TAF6: variants seen among roughly 807,000 people sequenced by gnomAD.
The protein encoded by TAF6 is TATA-box binding protein associated factor 6, also known as transcription initiation factor TFIID subunit 6.
In TAF6, 50 loss-of-function variants were observed where a neutral mutation model predicts 73.5. The observed-to-expected ratio is 0.68, with a 90% CI of 0.54 to 0.86. The LOEUF (loss-of-function observed/expected upper bound fraction) is 0.86, where lower values mean the gene tolerates loss of function less well. Among genes scored for constraint, TAF6 ranks in the 40% least tolerant of loss-of-function variants. The pLI, the probability that TAF6 is intolerant of heterozygous loss-of-function variation, is 0.00. For missense variants in TAF6, 768 were observed against 899.5 expected, an observed-to-expected ratio of 0.85 and a Z score of 1.87; for synonymous variants, 424 against 376.7, an observed-to-expected ratio of 1.13 and a Z score of -1.45.
intron 14 of TAF6, 39 bp from the exon 15 acceptor site, chr7:100,107,662 C>G: frequency 6.3e-7 from 1 of 1,596,982 alleles, no homozygotes; most frequent in Non-Finnish European, 8.5e-7. Context: ...GCCCTGTGCC[C>G]TCCCTGCCCC....
intron 12 of TAF6, among the ~76,000 whole-genome samples, chr7:100,109,354 C>T (rs1369135167): frequency 6.6e-6 from 1 of 150,644 alleles, no homozygotes; most frequent in African/African-American, 2.4e-5. Flanking sequence ...AAAAAGAAAA[C>T]ATGGGCACTA....
chr7:100,119,630 C>T (rs549631549), upstream of TAF6: 9 of 1,595,856 alleles, frequency 5.6e-6, no homozygotes, highest in Non-Finnish European at 7.7e-6. Flanking sequence ...GCGCATGCGC[C>T]GACCTTCCTC....
chr7:100,114,872 G>A (rs1797546357), intron 1 of TAF6, among the ~76,000 whole-genome samples: 1 of 152,068 alleles, frequency 6.6e-6, no homozygotes, highest in Non-Finnish European at 1.5e-5. Flanking sequence ...AAAATTAGCT[G>A]GGTATGCAGG....
At chr7:100,121,942 C>G (rs950977324), upstream of TAF6, 6 of 257,910 alleles carry the variant, frequency 2.3e-5, no homozygotes, top group Non-Finnish European at 3.8e-5. Context: ...CCCAGCTACT[C>G]GGGAGACTGA....
upstream of TAF6, chr7:100,119,529 C>G: frequency 7.4e-7 from 1 of 1,353,100 alleles, no homozygotes; most frequent in Non-Finnish European, 9.8e-7. Flanking sequence ...TATTCCTTCA[C>G]TACCCGGCTG....
In TAF6 at chr7:100,112,323, A is replaced by C. The variant is rs2116789819; in HGVS notation, c.575-70T>G. Reference sequence around the variant, plus strand: ...AAACCTCAGTAACAGAAGAACCTTAACCCTCCACTTCCCCTGAGACCCAGG... The same window carrying C: ...AAACCTCAGTAACAGAAGAACCTTACCCCTCCACTTCCCCTGAGACCCAGG... On this transcript the variant is annotated intron_variant, in intron 6 of 14. Coordinates refer to ENST00000453269, the MANE Select transcript of TAF6 (RefSeq NM_139315.3). 7.8e-6 allele frequency: 12 copies of C among 1,547,054 alleles called. No homozygotes were observed. The Admixed American group carries it at 1.0e-4, about 13-fold the overall frequency.
intron 12 of TAF6, among the ~76,000 whole-genome samples, chr7:100,109,204 G>A (rs1480177219): frequency 6.6e-6 from 1 of 151,492 alleles, no homozygotes; most frequent in Non-Finnish European, 1.5e-5. Context: ...CGTGCCTGTG[G>A]TCCCAGCTAC....
At chr7:100,126,638 A>G in the TAF6 span, 1 of 152,164 alleles carries the variant, frequency 6.6e-6, no homozygotes, top group Non-Finnish European at 1.5e-5. Context: ...CCAAAAAAAA[A>G]GAGAAAGAAA....
chr7:100,121,866 C>T (rs979022975), upstream of TAF6, among the ~76,000 whole-genome samples: 220 of 146,036 alleles, frequency 1.5e-3, no homozygotes, highest in African/African-American at 4.5e-3. Flanking sequence ...CTGGCTAACA[C>T]GGTGAAACCC....
chr7:100,121,967 G>A (rs550328086), upstream of TAF6: 18 of 303,700 alleles, frequency 5.9e-5, no homozygotes, highest in Non-Finnish European at 8.2e-5. Context: ...GGAGAATGGC[G>A]TGAACCCAGG....
chr7:100,123,993 G>A (rs1057130248), upstream of TAF6, among the ~76,000 whole-genome samples: 1 of 152,038 alleles, frequency 6.6e-6, no homozygotes. Flanking sequence ...GCCGGGCGTG[G>A]TGGTGTGGTG....
Position 100,113,968 on chromosome 7 carries a change from C to T in TAF6, c.157-14G>A. 8 of 1,614,114 alleles carry T rather than the reference C, an allele frequency of 5.0e-6. No individual in the cohort carries two copies. Among genetic ancestry groups the T allele is most frequent in the Non-Finnish European group, 6.8e-6 (8 of 1,180,032 alleles). ...CTTCAAGGCATCCTGGGGTCGGTGA[C>T]AGAACAGACATCAGCCCAAAATCCT... is the stretch of plus-strand genomic sequence containing the variant. On this transcript the variant is annotated splice_polypyrimidine_tract_variant and intron_variant, in intron 2 of 14. Transcript: ENST00000453269.
chr7:100,110,643 C>T (rs914990308), intron 10 of TAF6, among the ~76,000 whole-genome samples: 4 of 152,160 alleles, frequency 2.6e-5, no homozygotes, highest in African/African-American at 7.2e-5. Flanking sequence ...GAAACCCCGT[C>T]TCTACTAAAA....
At chr7:100,125,105 G>T in the TAF6 span, 1 of 546,782 alleles carries the variant, frequency 1.8e-6, no homozygotes, top group South Asian at 2.7e-5. Context: ...TCCTAGAGAT[G>T]AACTCTATCC....
chr7:100,122,245 C>T, upstream of TAF6: 1 of 1,591,332 alleles, frequency 6.3e-7, no homozygotes, highest in Non-Finnish European at 8.6e-7. Flanking sequence ...CCGGACGTTT[C>T]TCCTCCCCAC....
intron 10 of TAF6, among the ~76,000 whole-genome samples, chr7:100,110,719 G>A (rs1038426506): frequency 3.9e-5 from 6 of 152,234 alleles, no homozygotes; most frequent in Non-Finnish European, 8.8e-5. Flanking sequence ...GCTGAGGCAG[G>A]AGAATCATTG....
At chr7:100,121,674 A>G (rs1485144181), upstream of TAF6, among the ~76,000 whole-genome samples, 1 of 150,756 alleles carries the variant, frequency 6.6e-6, no homozygotes, top group Non-Finnish European at 1.5e-5. Context: ...TGAACTCCTC[A>G]AGTGATCTGC....
intron 1 of TAF6, among the ~76,000 whole-genome samples, chr7:100,116,078 T>C (rs576766750): frequency 1.3e-5 from 2 of 152,268 alleles, no homozygotes; most frequent in African/African-American, 2.4e-5. Flanking sequence ...CTCCTAACAA[T>C]GTCAACCGGA....
In TAF6 at chr7:100,114,217, TC is replaced by T. The variant is rs763843421; in HGVS notation, c.-9del. On this transcript the variant is annotated 5_prime_UTR_variant, in exon 2 of 15. Transcript: ENST00000453269. ...CTTCTTCTCCTCAGCCATTCTGGAG[TC>T]CCTCTTCTCCTCCCTGGAAGGATGA... 6.2e-7 allele frequency: 1 copy of T among 1,612,006 alleles called. No homozygotes were observed. Among genetic ancestry groups the T allele is most frequent in the South Asian group, 1.1e-5 (1 of 91,056 alleles).
Sources: allele counts gnomAD v4.1 joint callset (sites outside exome capture counted in the v4.1 genomes callset), GRCh38; gene constraint gnomAD v4.1.1; transcripts MANE v1.5; gene names NCBI Gene and HGNC (gene_info 2026-07-23, HGNC 2026-07-21).